SP2: variants seen among roughly 807,000 people sequenced by gnomAD.
SP2 encodes Sp2 transcription factor, also known as transcription factor Sp2.
In SP2, 9 loss-of-function variants were observed where a neutral mutation model predicts 50.1. The ratio of observed to expected loss-of-function variants is 0.18; its 90% CI spans 0.11 to 0.31. SP2 has a LOEUF of 0.31. Among genes scored for constraint, SP2 ranks in the 10% least tolerant of loss-of-function variants. SP2 has a pLI of 1.00. For synonymous variants in SP2, 313 were observed against 326.6 expected (o/e 0.96, Z 0.45); for missense variants, 581 against 806.5 (o/e 0.72, Z 3.39).
chr17:47,922,695 C>T (rs1450756970), intron 3 of SP2, among the ~76,000 whole-genome samples: 1 of 152,162 alleles, frequency 6.6e-6, no homozygotes, highest in Non-Finnish European at 1.5e-5. Flanking sequence ...CCTTCTAAAT[C>T]TCCAATTCTG....
chr17:47,911,440 G>C (rs1209581660), intron 1 of SP2, among the ~76,000 whole-genome samples: 1 of 151,306 alleles, frequency 6.6e-6, no homozygotes, highest in East Asian at 1.9e-4. Context: ...AGCTACTTGG[G>C]AGGCAGAGGT....
chr17:47,924,092 T>G (rs952576145), intron 4 of SP2, among the ~76,000 whole-genome samples: 1 of 151,978 alleles, frequency 6.6e-6, no homozygotes, highest in African/African-American at 2.4e-5. Context: ...GATCTGATTT[T>G]TCCCAAAGCC....
At chr17:47,930,725 CT>C (rs2035800917), downstream of SP2, among the ~76,000 whole-genome samples, 1 of 152,188 alleles carries the variant, frequency 6.6e-6, no homozygotes, top group South Asian at 2.1e-4. Context: ...ACACCTGATC[CT>C]GATGGGCCCT....
At chr17:47,911,112 G>C (rs1899037663) in intron 1 of SP2, among the ~76,000 whole-genome samples, 1 of 152,036 alleles carries the variant, frequency 6.6e-6, no homozygotes, top group African/African-American at 2.4e-5. Flanking sequence ...AGTGGTCCCA[G>C]CTACTTGGGG....
At chr17:47,930,404 C>G (rs928898928), downstream of SP2, among the ~76,000 whole-genome samples, 6 of 152,248 alleles carry the variant, frequency 3.9e-5, no homozygotes, top group East Asian at 1.2e-3. Context: ...GACCTGACTC[C>G]CCAGCATCAT....
rs367582453 is a variant in SP2, at chr17:47,916,693, G to A, written c.622G>A (p.Gly208Ser). ...ANVVKLTGGG[G>S]NVTLTLPVNN... is the part of the protein sequence containing the mutation. ...TGTGGTGAAGCTGACAGGTGGGGGC[G>A]GCAATGTGACGCTCACTCTGCCCGT... Residue 208 changes from glycine (G) to serine (S), a missense_variant, in exon 3 of 7, where the codon GGC becomes AGC. By Grantham distance (56) the Gly-to-Ser change is moderately conservative (BLOSUM62 0). This residue lies in a region of SP2 where 397 missense variants were observed against 491.0 expected (regional missense o/e 0.81). Coordinates refer to ENST00000376741, the MANE Select transcript of SP2 (RefSeq NM_003110.6). This position sits in a 1 kb window ranked among gnomAD's most constrained non-coding sequence, Gnocchi z 4.7. 5.8e-5 allele frequency: 94 copies of A among 1,613,406 alleles called. No individual in the cohort carries two copies. Among genetic ancestry groups the A allele is most frequent in the Non-Finnish European group, 4.7e-5 (55 of 1,179,570 alleles).
At chr17:47,907,381 C>T (rs1400728601) in intron 1 of SP2, among the ~76,000 whole-genome samples, 2 of 152,108 alleles carry the variant, frequency 1.3e-5, no homozygotes, top group Non-Finnish European at 2.9e-5. Flanking sequence ...TGTGTGGTCC[C>T]ATCGGGCACC....
chr17:47,929,021 G>A (rs1040530570), downstream of SP2: 2 of 152,134 alleles, frequency 1.3e-5, no homozygotes, highest in Non-Finnish European at 2.9e-5. Flanking sequence ...TCCAGAGGAG[G>A]GAGCTGTGGT....
rs2035527932 is a variant in SP2, at chr17:47,923,243, G to A, written c.1341G>A (p.Gln447=). ...QTININGVQV[Q]GVPVTITNTG... ...TCAACATCAATGGTGTCCAGGTCCA[G>A]GGCGTGCCTGTCACCATCACCAACA... The change falls in exon 4 of 7, where the codon CAG becomes CAA. Residue 447 remains glutamine (Q), a synonymous_variant. Transcript: ENST00000376741. 1 of 1,607,128 alleles carries A rather than the reference G, an allele frequency of 6.2e-7. No homozygotes were observed. Among genetic ancestry groups the A allele is most frequent in the Middle Eastern group, 1.7e-4 (1 of 6,058 alleles).
intron 6 of SP2, among the ~76,000 whole-genome samples, chr17:47,927,517 G>A (rs2035695581): frequency 1.4e-5 from 2 of 140,940 alleles, no homozygotes; most frequent in Non-Finnish European, 3.1e-5. Context: ...GGCCAGCAGA[G>A]TGAGACTCCA....
chr17:47,919,526 A>AT (rs1157404286), intron 3 of SP2, among the ~76,000 whole-genome samples: 24 of 150,438 alleles, frequency 1.6e-4, no homozygotes, highest in East Asian at 7.8e-4. Flanking sequence ...TCACAACAGG[A>AT]TTTTTTTTTT....
Position 47,924,970 on chromosome 17 carries a change from G to A in SP2, c.1424G>A (p.Ser475Asn). The A allele has an allele frequency of 3.7e-6, 6 of 1,613,794 alleles. No homozygotes were observed. The highest frequency in any genetic ancestry group is 5.1e-6 in the Non-Finnish European group (6 of 1,179,736). The part of the protein sequence containing the change: ...QNVSGNNLTI[S>N]GLSPTQIQLQ... ...GTTTCTGGGAACAACCTGACCATCA[G>A]TGGGCTGAGCCCCACCCAGATCCAG... Residue 475 changes from serine to asparagine, a missense_variant, in exon 5 of 7, where the codon AGT becomes AAT. This residue lies in a region of SP2 where 184 missense variants were observed against 315.5 expected (regional missense o/e 0.58). Transcript: ENST00000376741.
chr17:47,901,775 A>C (rs571869553), intron 1 of SP2, among the ~76,000 whole-genome samples: 68 of 152,228 alleles, frequency 4.5e-4, no homozygotes, highest in African/African-American at 1.5e-3. Context: ...AGGATATGCA[A>C]ATCTGCAGCT....
chr17:47,927,795 A>G lies in SP2; in HGVS notation c.1813A>G (p.Lys605Glu). Reference sequence around the variant, plus strand: ...GAGTGACCACCTCACCAAGCATTACAAGACCCACCTGGTCACGAAGAACTT... The same window carrying G: ...GAGTGACCACCTCACCAAGCATTACGAGACCCACCTGGTCACGAAGAACTT... ...MRSDHLTKHY[K>E]THLVTKNL Residue 605 changes from lysine (K) to glutamate (E), a missense_variant, in exon 7 of 7, where the codon AAG becomes GAG. Transcript: ENST00000376741. The G allele has an allele frequency of 1.3e-6, 2 of 1,598,082 alleles. No homozygotes were observed. The highest frequency in any genetic ancestry group is 1.7e-6 in the Non-Finnish European group (2 of 1,171,916).
Position 47,916,311 on chromosome 17 carries a change from C to A in SP2, c.240C>A (p.Gly80=), listed in dbSNP as rs570173914. 1 of 1,614,090 alleles carries A rather than the reference C, an allele frequency of 6.2e-7. No homozygotes were observed. The highest frequency in any genetic ancestry group is 1.1e-5 in the South Asian group (1 of 91,084). ...IKPAPLPLSP[G]KNSFGILSSK... The stretch of plus-strand genomic sequence containing the variant: ...CTGCCCCTCTCCCTCTCAGCCCCGG[C>A]AAGAATAGCTTTGGAATCTTGTCCT... Residue 80 remains glycine (G), a synonymous_variant, in exon 3 of 7, where the codon GGC becomes GGA. Coordinates refer to ENST00000376741, the MANE Select transcript of SP2 (RefSeq NM_003110.6). This position sits in a 1 kb window ranked among gnomAD's most constrained non-coding sequence, Gnocchi z 4.7.
chr17:47,900,360 G>A (rs1280799232), intron 1 of SP2: 2 of 152,238 alleles, frequency 1.3e-5, no homozygotes, highest in Non-Finnish European at 2.9e-5. Flanking sequence ...TTGATAATTA[G>A]GAATCTTCTT....
chr17:47,903,736 C>T (rs2034639233), intron 1 of SP2, among the ~76,000 whole-genome samples: 2 of 152,034 alleles, frequency 1.3e-5, no homozygotes, highest in South Asian at 2.1e-4. Flanking sequence ...CCGAGGTGGT[C>T]GGATCACGAA....
chr17:47,925,163 C>A, intron 5 of SP2, 70 bp downstream of exon 5: 1 of 1,519,530 alleles, frequency 6.6e-7, no homozygotes, highest in Non-Finnish European at 8.8e-7. Context: ...GACAGTTGTC[C>A]AGAGCTGCAA....
chr17:47,913,724 A>C (rs2035080632), intron 1 of SP2, among the ~76,000 whole-genome samples: 2 of 152,096 alleles, frequency 1.3e-5, no homozygotes, highest in South Asian at 2.1e-4. Context: ...GGATGACTTA[A>C]GTGCACAGTA....
Sources: gnomAD v4.1 joint callset for allele counts (sites outside exome capture counted in the v4.1 genomes callset) on GRCh38, gnomAD v4.1.1 for gene constraint, gnomAD v4.1.1 regional missense constraint, Gnocchi (gnomAD v3.1) non-coding constraint, MANE v1.5 for transcripts, NCBI Gene and HGNC (gene_info 2026-07-23, HGNC 2026-07-21) for gene names.